Variants in GDPD4 observed in about 807,000 individuals in gnomAD.
The protein encoded by GDPD4 is glycerophosphodiester phosphodiesterase 6.
In GDPD4, 60 loss-of-function variants were observed where a neutral mutation model predicts 67.8. That is an observed-to-expected ratio of 0.88 (90% CI 0.72 to 1.10). The LOEUF (loss-of-function observed/expected upper bound fraction) is 1.10, where lower values mean the gene tolerates loss of function less well. Ranked by LOEUF, GDPD4 falls within the 50% of genes least tolerant of loss-of-function variation. The pLI is 0.00. For synonymous variants in GDPD4, 212 were observed against 210.9 expected (o/e 1.00, Z -0.04); for missense variants, 623 against 613.9 (o/e 1.01, Z -0.16).
At chr11:77,291,684 C>T (rs1027637568) in intron 1 of GDPD4, among the ~76,000 whole-genome samples, 2 of 152,092 alleles carry the variant, frequency 1.3e-5, no homozygotes, top group African/African-American at 2.4e-5. Flanking sequence ...CTAATGTTTC[C>T]TTTTGTTTCT....
chr11:77,233,268 C>G, intron 13 of GDPD4, 96 bp from the exon 14 acceptor site: 2 of 1,190,520 alleles, frequency 1.7e-6, no homozygotes. Context: ...AGGCTGTTGC[C>G]TAAATCACCA....
At chr11:77,248,410 C>T (rs1323660018) in intron 11 of GDPD4, among the ~76,000 whole-genome samples, 2 of 151,866 alleles carry the variant, frequency 1.3e-5, no homozygotes, top group East Asian at 2.0e-4. Context: ...ACCACGTTGG[C>T]CAGGCTGATC....
intron 13 of GDPD4, 21 bp from the exon 14 acceptor site, chr11:77,233,193 A>C (rs771270811): frequency 6.8e-6 from 11 of 1,608,442 alleles, no homozygotes; most frequent in Non-Finnish European, 8.5e-6. Flanking sequence ...AACAGAACCC[A>C]CAGGGGATTT....
intron 16 of GDPD4, among the ~76,000 whole-genome samples, chr11:77,219,682 G>A (rs1200000058): frequency 6.6e-6 from 1 of 152,166 alleles, no homozygotes; most frequent in Admixed American, 6.5e-5. Context: ...AAGATCAGAT[G>A]GTTATAGATG....
At chr11:77,297,870 C>T (rs761305667) in intron 1 of GDPD4, among the ~76,000 whole-genome samples, 7 of 152,094 alleles carry the variant, frequency 4.6e-5, no homozygotes, top group Admixed American at 2.0e-4. Flanking sequence ...TAAGTCAAAG[C>T]TATCATTGAT....
intron 3 of GDPD4, among the ~76,000 whole-genome samples, chr11:77,282,336 A>G (rs1639104949): frequency 6.6e-6 from 1 of 152,134 alleles, no homozygotes; most frequent in Non-Finnish European, 1.5e-5. Context: ...AATACTTAAT[A>G]TAAAATAAGG....
chr11:77,216,645 G>A lies in GDPD4; in HGVS notation c.*632C>T. 2 of 449,816 alleles carry A rather than the reference G, an allele frequency of 4.4e-6. No individual in the cohort carries two copies. Among genetic ancestry groups the A allele is most frequent in the Non-Finnish European group, 4.0e-6 (1 of 249,948 alleles). The allele number at this position is 449,816 out of a possible 1,614,324, so 27.9% of individuals were successfully genotyped here. ...GTGTTAGGATGAGATAAACCTGACA[G>A]CAACCAGTTCCAAGACCACACACAG... On this transcript the variant is annotated 3_prime_UTR_variant, in exon 17 of 17. Transcript: ENST00000315938.
At chr11:77,221,142 A>G (rs1019957420) in intron 16 of GDPD4, among the ~76,000 whole-genome samples, 13 of 151,572 alleles carry the variant, frequency 8.6e-5, no homozygotes, top group Non-Finnish European at 1.9e-4. Flanking sequence ...ATTCTTCTCT[A>G]TTATTCTTGC....
chr11:77,284,316 A>C (rs974684011), intron 3 of GDPD4, among the ~76,000 whole-genome samples: 4 of 152,232 alleles, frequency 2.6e-5, no homozygotes, highest in Non-Finnish European at 5.9e-5. Context: ...AAAATTATGT[A>C]TACAATATGA....
intron 10 of GDPD4, among the ~76,000 whole-genome samples, chr11:77,263,505 A>G (rs1959158968): frequency 6.6e-6 from 1 of 152,200 alleles, no homozygotes; most frequent in African/African-American, 2.4e-5. Flanking sequence ...ATGCTCCATT[A>G]GTCCAAAAGG....
At chr11:77,265,586 A>T (rs1281757372) in intron 10 of GDPD4, among the ~76,000 whole-genome samples, 1 of 152,196 alleles carries the variant, frequency 6.6e-6, no homozygotes, top group Non-Finnish European at 1.5e-5. Flanking sequence ...ACTATACTAT[A>T]CTATCACAAC....
chr11:77,282,218 C>A (rs1442959995), intron 3 of GDPD4, among the ~76,000 whole-genome samples: 2 of 151,954 alleles, frequency 1.3e-5, no homozygotes. Context: ...GTCAAGATTA[C>A]ATGTTGTAAT....
intron 11 of GDPD4, among the ~76,000 whole-genome samples, chr11:77,246,461 T>C (rs920532369): frequency 1.7e-4 from 26 of 152,254 alleles, no homozygotes; most frequent in African/African-American, 6.3e-4. Flanking sequence ...TTTATAAATA[T>C]ACAATTAGAG....
intron 13 of GDPD4, among the ~76,000 whole-genome samples, chr11:77,237,849 T>C (rs1487493165): frequency 6.6e-6 from 1 of 152,176 alleles, no homozygotes. Flanking sequence ...CAATGGCTCA[T>C]GCCAGAGGTT....
intron 13 of GDPD4, among the ~76,000 whole-genome samples, chr11:77,242,916 A>G (rs1422896305): frequency 2.3e-5 from 2 of 87,186 alleles, no homozygotes; most frequent in Non-Finnish European, 5.8e-5. Context: ...GAGACTTTGG[A>G]TATCTATTAT....
In GDPD4 at chr11:77,242,690, G is replaced by GA. The variant is rs745515044; in HGVS notation, c.1241+1003dup. ...ATCATTCTAGAGCCATTTTCTATTTGAAAAAAAAAGTAGAAGAAAATAGAA... is the reference window on the plus strand; with the variant it reads ...ATCATTCTAGAGCCATTTTCTATTTGAAAAAAAAAAGTAGAAGAAAATAGAA... On this transcript the variant is annotated intron_variant, in intron 13 of 16. Coordinates refer to ENST00000315938, the MANE Select transcript of GDPD4 (RefSeq NM_182833.3). Among the ~76,000 whole-genome samples the GA allele has an allele frequency of 3.2e-3, 479 of 149,648 alleles. 4 individuals carry two copies. Among genetic ancestry groups the GA allele is most frequent in the African/African-American group, 0.011 (445 of 40,922 alleles).
chr11:77,258,219 C>T (rs914553898), intron 11 of GDPD4, among the ~76,000 whole-genome samples, 167 bp downstream of exon 11: 6 of 152,214 alleles, frequency 3.9e-5, no homozygotes, highest in Non-Finnish European at 5.9e-5. Context: ...AGACTCACTT[C>T]ATTACTGAAA....
chr11:77,295,195 C>A (rs1184560975), intron 1 of GDPD4, among the ~76,000 whole-genome samples: 7 of 151,456 alleles, frequency 4.6e-5, no homozygotes, highest in African/African-American at 1.7e-4. Context: ...ACTGTGTTAG[C>A]CAAGCTGGTC....
At chr11:77,276,060 G>A (rs1959452466) in intron 5 of GDPD4, 101 bp downstream of exon 5, 4 of 788,008 alleles carry the variant, frequency 5.1e-6, no homozygotes, top group South Asian at 4.4e-5. Context: ...TAACAGAGAG[G>A]GTAACCCCAT....
Sources: gnomAD v4.1 joint callset for allele counts (sites outside exome capture counted in the v4.1 genomes callset) on GRCh38, gnomAD v4.1.1 for gene constraint, MANE v1.5 for transcripts, NCBI Gene and HGNC (gene_info 2026-07-23, HGNC 2026-07-21) for gene names.